PI4K2A: variants seen among roughly 807,000 people sequenced by gnomAD.
The protein encoded by PI4K2A is phosphatidylinositol 4-kinase type 2-alpha.
PI4K2A carries 20 observed loss-of-function variants against 55.0 expected under a neutral mutation model. That is an observed-to-expected ratio of 0.36 (90% CI 0.26 to 0.53). The LOEUF (loss-of-function observed/expected upper bound fraction) is 0.53. Among genes scored for constraint, PI4K2A ranks in the 20% least tolerant of loss-of-function variants. The probability of loss-of-function intolerance (pLI) is 0.91; values close to 1 mark genes in which losing one functional copy is unlikely to be tolerated. For synonymous variants in PI4K2A, 235 were observed against 258.5 expected (o/e 0.91, Z 0.87); for missense variants, 463 against 637.1 (o/e 0.73, Z 2.94).
intron 5 of PI4K2A, among the ~76,000 whole-genome samples, chr10:97,663,863 C>G (rs116311725): frequency 0.01 from 1,509 of 149,788 alleles, 22 homozygotes; most frequent in African/African-American, 0.029. Flanking sequence ...GGGTCTTGCT[C>G]TGTTGCGCAG....
At chr10:97,644,852 C>T (rs772217251) in intron 1 of PI4K2A, among the ~76,000 whole-genome samples, 5 of 152,088 alleles carry the variant, frequency 3.3e-5, no homozygotes, top group Non-Finnish European at 7.3e-5. Context: ...CAAGGGGGAA[C>T]AGAGATTGGG....
chr10:97,659,299 G>A lies in PI4K2A; in HGVS notation c.922+2325G>A, dbSNP rs2041569663. 1.3e-5 allele frequency among the ~76,000 whole-genome samples: 2 copies of A among 152,124 alleles called. 1 individual carries two copies. Among genetic ancestry groups the A allele is most frequent in the African/African-American group, 4.8e-5 (2 of 41,386 alleles). On this transcript the variant is annotated intron_variant, in intron 4 of 8. Coordinates refer to ENST00000370631, the Ensembl canonical transcript of PI4K2A. ...TCCTCCTACCTCAGCCTCTCAAAGT[G>A]CTGGGATTACAGGTGTGAACAACTG...
At chr10:97,640,887 C>T in exon 1 of PI4K2A, 4 of 1,297,112 alleles carry the variant, frequency 3.1e-6, no homozygotes, top group East Asian at 3.2e-5. Flanking sequence ...CCCCTCTCCG[C>T]CGGGCTCGCC....
At chr10:97,645,599 C>G (rs2135752455) in intron 1 of PI4K2A, among the ~76,000 whole-genome samples, 1 of 134,494 alleles carries the variant, frequency 7.4e-6, no homozygotes, top group South Asian at 2.5e-4. Context: ...GACAGCAAGA[C>G]TCTATCTCAA....
intron 1 of PI4K2A, among the ~76,000 whole-genome samples, chr10:97,645,976 C>T (rs1374260289): frequency 1.3e-5 from 2 of 152,220 alleles, no homozygotes; most frequent in Non-Finnish European, 2.9e-5. Context: ...TAGAATACAG[C>T]AGTTCTTAGA....
At chr10:97,675,265 T>C (rs1283997095) in exon 9 of PI4K2A, 1 of 152,452 alleles carries the variant, frequency 6.6e-6, no homozygotes, top group Non-Finnish European at 1.5e-5. Flanking sequence ...AGAGCAGAGA[T>C]GTGCAGCCCT....
chr10:97,642,873 C>CTT (rs1293512769), intron 1 of PI4K2A, among the ~76,000 whole-genome samples: 3 of 111,580 alleles, frequency 2.7e-5, no homozygotes, highest in East Asian at 4.8e-4. Flanking sequence ...CTTTTTCTTT[C>CTT]TTTCTTTCTT....
intron 6 of PI4K2A, among the ~76,000 whole-genome samples, chr10:97,665,882 C>T (rs915639097): frequency 7.9e-5 from 12 of 152,184 alleles, no homozygotes; most frequent in African/African-American, 2.2e-4. Flanking sequence ...TGAGCCACTG[C>T]GCCCGGCCCT....
intron 1 of PI4K2A, among the ~76,000 whole-genome samples, chr10:97,642,654 G>T (rs375192758): frequency 6.6e-6 from 1 of 151,878 alleles, no homozygotes; most frequent in Non-Finnish European, 1.5e-5. Flanking sequence ...CTCCCAAAGC[G>T]CTGGGATTAC....
At chr10:97,650,802 G>T in intron 1 of PI4K2A, 139 bp from the exon 2 acceptor site, 1 of 645,558 alleles carries the variant, frequency 1.5e-6, no homozygotes, top group Non-Finnish European at 2.7e-6. Context: ...CTTACCAACT[G>T]GGAGAAACCT....
chr10:97,668,065 A>G (rs1159924806), intron 8 of PI4K2A, among the ~76,000 whole-genome samples: 1 of 152,232 alleles, frequency 6.6e-6, no homozygotes, highest in East Asian at 1.9e-4. Context: ...GAAATGCTTG[A>G]AAAATGGTTT....
exon 9 of PI4K2A, chr10:97,676,132 C>T (rs967913006): frequency 6.6e-6 from 1 of 152,256 alleles, no homozygotes; most frequent in African/African-American, 2.4e-5. Context: ...ACCTGTGTTT[C>T]CATGGAATTG....
chr10:97,673,804 G>A lies in PI4K2A; in HGVS notation c.*62G>A, dbSNP rs1460593679. ...GGTGGGAGGAAGCCTGGGGAGTGGG[G>A]TGCAGGAAAAGCCAGAGAAGCCGGT... On this transcript the variant is annotated 3_prime_UTR_variant, in exon 9 of 9. Coordinates refer to ENST00000370631, the Ensembl canonical transcript of PI4K2A. The A allele has an allele frequency of 5.2e-6, 8 of 1,528,366 alleles. No individual in the cohort carries two copies. The Middle Eastern group carries it at 1.4e-3, about 263-fold the overall frequency. 94.7% of individuals were successfully genotyped at this position (1,528,366 alleles called of 1,614,324 possible).
chr10:97,663,826 T>TAA (rs35736231), intron 5 of PI4K2A, among the ~76,000 whole-genome samples: 9 of 118,290 alleles, frequency 7.6e-5, no homozygotes, highest in African/African-American at 1.2e-4. Flanking sequence ...TCTCAAAAAT[T>TAA]AAAAAAAAAA....
intron 2 of PI4K2A, among the ~76,000 whole-genome samples, chr10:97,653,691 T>C (rs1304512187): frequency 6.6e-6 from 1 of 152,096 alleles, no homozygotes; most frequent in Non-Finnish European, 1.5e-5. Flanking sequence ...CCTAAGTGGG[T>C]GGATCACCTC....
chr10:97,644,208 G>A (rs906411015), intron 1 of PI4K2A, among the ~76,000 whole-genome samples: 4 of 152,068 alleles, frequency 2.6e-5, no homozygotes, highest in Admixed American at 6.6e-5. Context: ...AAAATTAGCC[G>A]AGCACTGTGG....
intron 1 of PI4K2A, among the ~76,000 whole-genome samples, chr10:97,649,172 C>T (rs1482874683): frequency 1.3e-5 from 2 of 152,170 alleles, no homozygotes; most frequent in African/African-American, 2.4e-5. Flanking sequence ...CCCAGACTAG[C>T]TTGAGTAGGC....
intron 1 of PI4K2A, among the ~76,000 whole-genome samples, chr10:97,641,575 C>A (rs1167922075): frequency 2.0e-5 from 3 of 152,096 alleles, no homozygotes; most frequent in Non-Finnish European, 4.4e-5. Context: ...ACCGACCGAA[C>A]CAGTGTGTCG....
chr10:97,662,749 C>T (rs1210436022), intron 4 of PI4K2A, among the ~76,000 whole-genome samples, 158 bp from the exon 5 acceptor site: 2 of 152,168 alleles, frequency 1.3e-5, no homozygotes, highest in Non-Finnish European at 2.9e-5. Context: ...TTATTAAAAT[C>T]TCCAGTACCT....
Sources: allele counts gnomAD v4.1 joint callset (sites outside exome capture counted in the v4.1 genomes callset), GRCh38; gene constraint gnomAD v4.1.1; transcripts MANE v1.5; gene names NCBI Gene and HGNC (gene_info 2026-07-23, HGNC 2026-07-21).